Variants in PGBD5 observed in about 807,000 individuals in gnomAD.
The protein encoded by PGBD5 is piggyBac transposable element-derived protein 5.
In PGBD5, 14 loss-of-function variants were observed where a neutral mutation model predicts 47.9. The observed-to-expected ratio is 0.29, with a 90% CI of 0.19 to 0.46. The LOEUF (loss-of-function observed/expected upper bound fraction) is 0.46. PGBD5 is among the 20% of genes least tolerant of loss of function. PGBD5 has a pLI of 1.00. For synonymous variants in PGBD5, 316 were observed against 306.3 expected, an observed-to-expected ratio of 1.03 and a Z score of -0.33; for missense variants, 635 against 716.0, an observed-to-expected ratio of 0.89 and a Z score of 1.29.
At position 230,320,638 on chromosome 1, in the gene PGBD5, T is replaced by C. The variant is rs1322472554; in HGVS notation, c.*2787A>G. On this transcript the variant is annotated 3_prime_UTR_variant, in exon 7 of 7. Coordinates refer to ENST00000391860, the MANE Select transcript of PGBD5 (RefSeq NM_001258311.2). ...TGTCATAAGACCACTTACGATGCTC[T>C]TTCCTCATCCCCAGGGATGGCCAGC... is the stretch of plus-strand genomic sequence containing the variant. 2.6e-5 allele frequency: 4 copies of C among 152,208 alleles called. No individual in the cohort carries two copies. Among genetic ancestry groups the C allele is most frequent in the Non-Finnish European group, 5.9e-5 (4 of 68,070 alleles). The allele number at this position is 152,208 out of a possible 1,614,324, so 9.4% of individuals were successfully genotyped here.
chr1:230,415,261 C>T (rs143378044), intron 1 of PGBD5, among the ~76,000 whole-genome samples: 1,481 of 142,864 alleles, frequency 0.01, 27 homozygotes, highest in African/African-American at 0.034. Flanking sequence ...GGTGACAGAA[C>T]GAGACTCTGT....
intron 4 of PGBD5, among the ~76,000 whole-genome samples, chr1:230,335,820 GACACAGACATACACA>G: frequency 2.7e-5 from 1 of 37,194 alleles, no homozygotes; most frequent in African/African-American, 7.0e-5. Flanking sequence ...CACATACACT[GACACAGACATACACA>G]TACACACACA....
At chr1:230,365,913 G>C (rs1199515301) in intron 1 of PGBD5, among the ~76,000 whole-genome samples, 1 of 152,208 alleles carries the variant, frequency 6.6e-6, no homozygotes, top group Non-Finnish European at 1.5e-5. Flanking sequence ...TACCCCTTCA[G>C]CCAGATCTGG....
At position 230,400,446 on chromosome 1, in the gene PGBD5, T is replaced by G. The variant is rs553820049; in HGVS notation, c.331+25152A>C. Among the ~76,000 whole-genome samples the G allele has an allele frequency of 3.3e-5, 5 of 152,232 alleles. No individual in the cohort carries two copies. In the South Asian group the frequency reaches 1.0e-3, roughly 32 times the overall value. On this transcript the variant is annotated intron_variant, in intron 1 of 6. Transcript: ENST00000391860. ...TCACTGCTTATTGTCTGTTACCCAC[T>G]CTAGAATGTGTGCTTCATGGAGGCC...
At chr1:230,402,176 T>A (rs1364343258) in intron 1 of PGBD5, among the ~76,000 whole-genome samples, 1 of 152,208 alleles carries the variant, frequency 6.6e-6, no homozygotes, top group East Asian at 1.9e-4. Flanking sequence ...TAACCACATT[T>A]CTTGTGAGCT....
intron 1 of PGBD5, among the ~76,000 whole-genome samples, chr1:230,393,824 CAAAAAA>C (rs34929519): frequency 5.2e-5 from 4 of 77,582 alleles, no homozygotes; most frequent in Non-Finnish European, 9.6e-5. Flanking sequence ...GACTCCGTCT[CAAAAAA>C]AAAAAAAAAA....
chr1:230,315,714 T>C lies in PGBD5; in HGVS notation c.*7711A>G, dbSNP rs556540568. The stretch of plus-strand genomic sequence containing the variant: ...TATTTACACACACATACACACAAGA[T>C]AGATATATATATTAAGTGGACACTG... On this transcript the variant is annotated 3_prime_UTR_variant, in exon 7 of 7. Coordinates refer to ENST00000391860, the MANE Select transcript of PGBD5 (RefSeq NM_001258311.2). 6.6e-5 allele frequency: 10 copies of C among 151,050 alleles called. No homozygotes were observed. Among genetic ancestry groups the C allele is most frequent in the African/African-American group, 2.2e-4 (9 of 41,194 alleles). 9.4% of individuals were successfully genotyped at this position (151,050 alleles called of 1,614,324 possible).
chr1:230,337,062 C>T (rs1341237673), intron 4 of PGBD5, 46 bp downstream of exon 4: 6 of 1,588,638 alleles, frequency 3.8e-6, no homozygotes, highest in Non-Finnish European at 5.2e-6. Flanking sequence ...ACCACTTTCC[C>T]AGGGGAGGCT....
chr1:230,382,077 G>GT (rs1558205999), intron 1 of PGBD5, among the ~76,000 whole-genome samples: 1 of 148,018 alleles, frequency 6.8e-6, no homozygotes, highest in Non-Finnish European at 1.5e-5. Context: ...CGTTAGTACT[G>GT]TAAGCTTTAG....
chr1:230,394,240 G>C (rs1442032098), intron 1 of PGBD5, among the ~76,000 whole-genome samples: 2 of 151,810 alleles, frequency 1.3e-5, no homozygotes, highest in Non-Finnish European at 2.9e-5. Context: ...AACGTGCCCA[G>C]TACCCTCAAG....
At position 230,316,690 on chromosome 1, in the gene PGBD5, G is replaced by T. The variant is rs1490583295; in HGVS notation, c.*6735C>A. ...GACATGAGAATTGGGCTGGGAACAA[G>T]GAACCCTCACATGGATCGTCAGGCT... On this transcript the variant is annotated 3_prime_UTR_variant, in exon 7 of 7. Coordinates refer to ENST00000391860, the MANE Select transcript of PGBD5 (RefSeq NM_001258311.2). 1.3e-5 allele frequency: 2 copies of T among 152,078 alleles called. No individual in the cohort carries two copies. The highest frequency in any genetic ancestry group is 6.5e-5 in the Admixed American group (1 of 15,272). The allele number at this position is 152,078 out of a possible 1,614,324, so 9.4% of individuals were successfully genotyped here. A position where few individuals can be genotyped will look rare whatever the true frequency, so the allele number is the denominator to read the frequency against.
chr1:230,335,744 A>C (rs62642830), intron 4 of PGBD5, among the ~76,000 whole-genome samples: 18,376 of 20,656 alleles, frequency 0.89, 8,344 homozygotes, highest in East Asian at 0.99. Flanking sequence ...GACTTACACA[A>C]AGACACACAC....
intron 5 of PGBD5, among the ~76,000 whole-genome samples, chr1:230,329,210 C>T (rs909887126): frequency 6.6e-6 from 1 of 152,120 alleles, no homozygotes; most frequent in African/African-American, 2.4e-5. Flanking sequence ...GTGATCCTCC[C>T]AACTTGGCCT....
At chr1:230,407,764 T>C (rs1657329124) in intron 1 of PGBD5, among the ~76,000 whole-genome samples, 1 of 152,248 alleles carries the variant, frequency 6.6e-6, no homozygotes, top group African/African-American at 2.4e-5. Context: ...GACACACTCC[T>C]AGTTTTTCCT....
Position 230,325,339 on chromosome 1 carries a change from G to A in PGBD5, c.1350C>T (p.Tyr450=), listed in dbSNP as rs1333694381. 6.2e-7 allele frequency: 1 copy of A among 1,613,702 alleles called. No homozygotes were observed. ...AVEAFAAHLS[Y]ICRYDDKYSK... ...TGTATTTGTCATCGTATCTGCAGAT[G>A]TAGCTCAGGTGAGCGGCAAACGCCT... The change falls in exon 6 of 7, where the codon TAC becomes TAT. Residue 450 remains tyrosine, a synonymous_variant. Coordinates refer to ENST00000391860, the MANE Select transcript of PGBD5 (RefSeq NM_001258311.2).
At chr1:230,329,052 T>C (rs1667167652) in intron 5 of PGBD5, among the ~76,000 whole-genome samples, 1 of 151,576 alleles carries the variant, frequency 6.6e-6, no homozygotes, top group African/African-American at 2.4e-5. Flanking sequence ...CCTGCCTCAG[T>C]GCCCCACCAA....
chr1:230,375,043 CCTTT>C (rs1667989731), intron 1 of PGBD5, among the ~76,000 whole-genome samples: 1 of 152,100 alleles, frequency 6.6e-6, no homozygotes, highest in South Asian at 2.1e-4. Context: ...GATGCCAGGC[CCTTT>C]CTTCTTTGGA....
At chr1:230,398,983 C>T (rs1194810309) in intron 1 of PGBD5, among the ~76,000 whole-genome samples, 3 of 152,080 alleles carry the variant, frequency 2.0e-5, no homozygotes, top group East Asian at 1.9e-4. Flanking sequence ...CCCAGGAGCC[C>T]GGCAGAACCT....
intron 1 of PGBD5, among the ~76,000 whole-genome samples, chr1:230,361,330 AG>A (rs961335930): frequency 2.0e-5 from 3 of 152,208 alleles, no homozygotes; most frequent in Non-Finnish European, 4.4e-5. Flanking sequence ...GAGGAGGTGG[AG>A]GAGACCTAGA....
Sources: allele counts gnomAD v4.1 joint callset (sites outside exome capture counted in the v4.1 genomes callset), GRCh38; gene constraint gnomAD v4.1.1; transcripts MANE v1.5; gene names NCBI Gene and HGNC (gene_info 2026-07-23, HGNC 2026-07-21).